DPP6: variants seen among roughly 807,000 people sequenced by gnomAD.
DPP6 encodes A-type potassium channel modulatory protein DPP6.
DPP6 carries 69 observed loss-of-function variants against 122.6 expected under a neutral mutation model. The ratio of observed to expected loss-of-function variants is 0.56; its 90% CI spans 0.46 to 0.69. The LOEUF (loss-of-function observed/expected upper bound fraction) is 0.69, where lower values mean the gene tolerates loss of function less well. DPP6 is among the 30% of genes least tolerant of loss of function. The pLI is 0.00. For missense variants in DPP6, 928 were observed against 1,116.9 expected (o/e 0.83, Z 2.41); for synonymous variants, 418 against 433.1 (o/e 0.97, Z 0.43).
intron 3 of DPP6, among the ~76,000 whole-genome samples, chr7:154,539,537 T>C (rs1448087308): frequency 2.0e-5 from 3 of 151,822 alleles, no homozygotes; most frequent in South Asian, 4.1e-4. Flanking sequence ...ATGTAAATGA[T>C]GAGTTAATGG....
At chr7:154,063,675 CCCAGCGGGGGGAGGCACCTCCCG>C (rs1802446992) in intron 1 of DPP6, among the ~76,000 whole-genome samples, 2 of 112,086 alleles carry the variant, frequency 1.8e-5, no homozygotes, top group Non-Finnish European at 3.6e-5. Flanking sequence ...GGACCCCCAT[CCCAGCGGGGGGAGGCACCTCCCG>C]TGAGGTGGGG....
chr7:154,406,216 A>C (rs1420136033), intron 1 of DPP6, among the ~76,000 whole-genome samples: 1 of 152,216 alleles, frequency 6.6e-6, no homozygotes, highest in Non-Finnish European at 1.5e-5. Flanking sequence ...CCAACCTTTA[A>C]ATTTTGAAAA....
At chr7:154,496,624 TG>T in intron 3 of DPP6, among the ~76,000 whole-genome samples, 1 of 152,196 alleles carries the variant, frequency 6.6e-6, no homozygotes, top group Non-Finnish European at 1.5e-5. Flanking sequence ...GAAGAGGTTT[TG>T]TGAAGGGGCC....
At chr7:154,165,642 A>G (rs912576357) in intron 1 of DPP6, among the ~76,000 whole-genome samples, 4 of 151,746 alleles carry the variant, frequency 2.6e-5, no homozygotes, top group African/African-American at 7.3e-5. Context: ...AAGTGTTCCT[A>G]TTTCTCCACA....
chr7:154,610,034 G>A (rs1036078026), intron 5 of DPP6, among the ~76,000 whole-genome samples: 2 of 152,086 alleles, frequency 1.3e-5, no homozygotes, highest in African/African-American at 4.8e-5. Flanking sequence ...ATAGATTTTT[G>A]TTGGGCAGCT....
At chr7:153,812,582 C>T in the DPP6 span, among the ~76,000 whole-genome samples, 1 of 151,982 alleles carries the variant, frequency 6.6e-6, no homozygotes, top group Non-Finnish European at 1.5e-5. Context: ...TAGGAAAAGC[C>T]CCCTCAAAAA....
intron 1 of DPP6, among the ~76,000 whole-genome samples, chr7:154,438,331 G>A (rs372949534): frequency 2.8e-4 from 43 of 151,688 alleles, no homozygotes; most frequent in Admixed American, 5.9e-4. Flanking sequence ...TTAGCCGGGC[G>A]TGGTGGCGGG....
chr7:153,835,138 TTCTG>T, the DPP6 span, among the ~76,000 whole-genome samples: 1 of 152,240 alleles, frequency 6.6e-6, no homozygotes, highest in Non-Finnish European at 1.5e-5. Context: ...CTGAATTTAT[TTCTG>T]TCTAACATAT....
intron 1 of DPP6, among the ~76,000 whole-genome samples, chr7:154,254,186 TG>T (rs1802521645): frequency 6.6e-6 from 1 of 152,168 alleles, no homozygotes; most frequent in Non-Finnish European, 1.5e-5. Context: ...GATGAAGAAA[TG>T]GGGGTTTAAC....
At chr7:154,183,237 G>T (rs1286333972) in intron 1 of DPP6, among the ~76,000 whole-genome samples, 1 of 152,048 alleles carries the variant, frequency 6.6e-6, no homozygotes, top group Non-Finnish European at 1.5e-5. Flanking sequence ...CCTTTTCAGT[G>T]CATGACTTTC....
At chr7:154,770,893 G>A (rs1315147328) in intron 9 of DPP6, among the ~76,000 whole-genome samples, 1 of 152,236 alleles carries the variant, frequency 6.6e-6, no homozygotes, top group Non-Finnish European at 1.5e-5. Flanking sequence ...AGCTCCCATG[G>A]ACACATAGAG....
At chr7:154,374,329 A>G (rs1812929915) in intron 1 of DPP6, among the ~76,000 whole-genome samples, 1 of 152,240 alleles carries the variant, frequency 6.6e-6, no homozygotes, top group South Asian at 2.1e-4. Context: ...GGGAGAGGTC[A>G]GCTTCCTAAG....
chr7:154,305,335 T>TGGGGGCC, intron 1 of DPP6: 2 of 1,024,744 alleles, frequency 2.0e-6, no homozygotes, highest in Non-Finnish European at 2.4e-6. Context: ...TCGTCTTGTC[T>TGGGGGCC]ACCCACCCTC....
In DPP6 at chr7:154,607,443, C is replaced by T. The variant is rs928721976; in HGVS notation, c.628-30378C>T. 7.9e-5 allele frequency among the ~76,000 whole-genome samples: 9 copies of T among 113,338 alleles called. 2 individuals carry two copies. Among genetic ancestry groups the T allele is most frequent in the Admixed American group, 2.0e-4 (2 of 9,790 alleles). The allele number at this position is 113,338 out of a possible 152,430, so 74.4% of individuals were successfully genotyped here. On this transcript the variant is annotated intron_variant, in intron 5 of 25. Coordinates refer to ENST00000377770, the MANE Select transcript of DPP6 (RefSeq NM_130797.4). ...GGGCATGGCGGCGGGCGCCTGTAGT[C>T]GCAGCTACTCAGGAGGCTGAGGCAG... is the stretch of plus-strand genomic sequence containing the variant.
chr7:154,052,916 G>A lies in DPP6; in HGVS notation c.96G>A (p.Gly32=), dbSNP rs1020125305. 8.7e-6 allele frequency: 13 copies of A among 1,502,448 alleles called. No homozygotes were observed. The highest frequency in any genetic ancestry group is 7.1e-5 in the African/African-American group (5 of 70,304). The allele number at this position is 1,502,448 out of a possible 1,614,324, so 93.1% of individuals were successfully genotyped here. A position where few individuals can be genotyped will look rare whatever the true frequency, so the allele number is the denominator to read the frequency against. The change falls in exon 1 of 26, where the codon GGG becomes GGA. Residue 32 remains glycine (G), a synonymous_variant. Transcript: ENST00000377770. The surrounding 1 kb of genome is among the most constrained non-coding windows in gnomAD (Gnocchi z 4.8). ...PEASHLLGGQ[G]PEEDGGAGAK... Reference sequence around the variant, plus strand: ...CGAGTCACCTCCTGGGCGGCCAGGGGCCCGAGGAGGACGGCGGCGCAGGAG... The same window carrying A: ...CGAGTCACCTCCTGGGCGGCCAGGGACCCGAGGAGGACGGCGGCGCAGGAG...
At position 154,010,641 on chromosome 7, in the gene DPP6, A is replaced by T. The variant is rs138984045; in HGVS notation, c.51+122907A>T. ...AGATAGCAACTAAGGATTAAATCAC[A>T]GAATGGTTCCCTTTTTAATTTATTT... On this transcript the variant is annotated intron_variant, in intron 1 of 25. Transcript: ENST00000404039. 8.5e-4 allele frequency among the ~76,000 whole-genome samples: 130 copies of T among 152,354 alleles called. 2 individuals are homozygous for T. Among genetic ancestry groups the T allele is most frequent in the African/African-American group, 3.0e-3 (124 of 41,586 alleles).
rs73485758 is a variant in DPP6 at position 154,613,684 on chromosome 7, C to G, written c.628-24137C>G. 4.0e-3 allele frequency among the ~76,000 whole-genome samples: 567 copies of G among 140,780 alleles called. 2 individuals carry two copies. The highest frequency in any genetic ancestry group is 0.014 in the African/African-American group (528 of 36,992). The allele number at this position is 140,780 out of a possible 152,430, so 92.4% of individuals were successfully genotyped here. On this transcript the variant is annotated intron_variant, in intron 5 of 25. Coordinates refer to ENST00000377770, the MANE Select transcript of DPP6 (RefSeq NM_130797.4). ...TGAAGCAAGTTGCTCAAATCAGACA[C>G]TTGTTTGAGTCACAAAATAATCAAT...
intron 6 of DPP6, 63 bp from the exon 7 acceptor site, chr7:154,669,297 A>G (rs2131101856): frequency 1.3e-6 from 2 of 1,551,188 alleles, no homozygotes; most frequent in Admixed American, 3.9e-5. Flanking sequence ...ATAAAATTGC[A>G]GCAGCTTAAA....
chr7:154,856,442 G>A (rs1385024154), intron 17 of DPP6, among the ~76,000 whole-genome samples: 2 of 152,172 alleles, frequency 1.3e-5, no homozygotes, highest in African/African-American at 4.8e-5. Context: ...AGGTGTGTGT[G>A]ACACTGTTGA....
Sources: allele counts gnomAD v4.1 joint callset (sites outside exome capture counted in the v4.1 genomes callset), GRCh38; gene constraint gnomAD v4.1.1; non-coding constraint Gnocchi (gnomAD v3.1); transcripts MANE v1.5; gene names NCBI Gene and HGNC (gene_info 2026-07-23, HGNC 2026-07-21).